Variants in KIAA1328 observed in about 807,000 individuals in gnomAD.
The protein encoded by KIAA1328 is KIAA1328.
A neutral mutation model predicts 68.1 loss-of-function variants in KIAA1328; 52 were observed. That is an observed-to-expected ratio of 0.76 (90% CI 0.61 to 0.96). The LOEUF (loss-of-function observed/expected upper bound fraction) is 0.96. Ranked by LOEUF, KIAA1328 falls within the 40% of genes least tolerant of loss-of-function variation. The pLI is 0.00. For synonymous variants in KIAA1328, 232 were observed against 239.4 expected (o/e 0.97, Z 0.28); for missense variants, 641 against 677.6 (o/e 0.95, Z 0.60).
chr18:37,066,898 T>C lies in KIAA1328; in HGVS notation c.585T>C (p.Ser195=). The part of the protein sequence containing the change: ...AARMQEQQVS[S]RKSTLQCSSV... Reference sequence around the variant, plus strand: ...CTTGTGGTTCTTTCTAGGTATCCAGTAGAAAAAGCACTCTCCAGTGTTCAT... The same window carrying C: ...CTTGTGGTTCTTTCTAGGTATCCAGCAGAAAAAGCACTCTCCAGTGTTCAT... The change falls in exon 7 of 10, where the codon AGT becomes AGC. Residue 195 remains serine, a synonymous_variant. Coordinates refer to ENST00000280020, the MANE Select transcript of KIAA1328 (RefSeq NM_020776.3). 6.3e-7 allele frequency: 1 copy of C among 1,582,760 alleles called. No individual in the cohort carries two copies.
Position 36,880,103 on chromosome 18 carries a change from T to G in KIAA1328, c.333-5454T>G, listed in dbSNP as rs77112437. Among the ~76,000 whole-genome samples, 4,334 of 152,218 alleles carry G rather than the reference T, an allele frequency of 0.028. 495 individuals carry two copies. The East Asian group carries it at 0.35, about 12-fold the overall frequency. On this transcript the variant is annotated intron_variant, in intron 4 of 9. Coordinates refer to ENST00000280020, the MANE Select transcript of KIAA1328 (RefSeq NM_020776.3). ...GAAAAAACTCCTGTAGCTAGCTTGG[T>G]GTCTGCTCAGATGGCCACCCAGTTT... is the stretch of plus-strand genomic sequence containing the variant.
At chr18:36,964,630 A>C (rs773810342) in intron 6 of KIAA1328, among the ~76,000 whole-genome samples, 3 of 152,074 alleles carry the variant, frequency 2.0e-5, no homozygotes, top group Non-Finnish European at 4.4e-5. Context: ...TCCTTTTCTT[A>C]AAGATAAATA....
At chr18:37,108,902 A>G (rs1237900035) in intron 7 of KIAA1328, among the ~76,000 whole-genome samples, 1 of 152,118 alleles carries the variant, frequency 6.6e-6, no homozygotes, top group African/African-American at 2.4e-5. Flanking sequence ...TACATTAGGT[A>G]TTTCTCCTAA....
intron 6 of KIAA1328, among the ~76,000 whole-genome samples, chr18:37,042,502 G>C (rs540590063): frequency 2.0e-5 from 3 of 152,226 alleles, no homozygotes; most frequent in East Asian, 1.9e-4. Context: ...TTGAAGGTTA[G>C]TTTTGCTGGA....
chr18:37,225,392 G>A (rs2060628107), downstream of KIAA1328: 2 of 833,738 alleles, frequency 2.4e-6, no homozygotes, highest in Non-Finnish European at 2.9e-6. Flanking sequence ...GTGAGGCATA[G>A]CTTGAAAGCA....
intron 9 of KIAA1328, among the ~76,000 whole-genome samples, chr18:37,174,580 T>C (rs1173422334): frequency 6.7e-6 from 1 of 148,586 alleles, no homozygotes; most frequent in Non-Finnish European, 1.5e-5. Context: ...TTTATTTTTA[T>C]TTTTATTTTA....
chr18:37,167,071 G>C (rs1051840627), intron 8 of KIAA1328, among the ~76,000 whole-genome samples: 9 of 152,184 alleles, frequency 5.9e-5, no homozygotes, highest in Non-Finnish European at 1.0e-4. Flanking sequence ...AATGGGAAAA[G>C]TTCCCCTATC....
chr18:37,169,169 TA>T (rs1165369860), intron 8 of KIAA1328, among the ~76,000 whole-genome samples: 5 of 149,534 alleles, frequency 3.3e-5, no homozygotes, highest in African/African-American at 1.2e-4. Context: ...TATTTATTTA[TA>T]TTTTTTTTTT....
intron 5 of KIAA1328, among the ~76,000 whole-genome samples, chr18:36,920,723 T>C (rs2049886679): frequency 6.6e-6 from 1 of 152,246 alleles, no homozygotes; most frequent in South Asian, 2.1e-4. Context: ...TACCTGGTTT[T>C]GACCCTGTGT....
At chr18:36,937,113 G>A (rs994587746) in intron 5 of KIAA1328, among the ~76,000 whole-genome samples, 3 of 152,134 alleles carry the variant, frequency 2.0e-5, no homozygotes, top group African/African-American at 7.2e-5. Flanking sequence ...ATGGGGAAAG[G>A]ATCTCCTATT....
At chr18:37,019,150 C>A (rs949833601) in intron 6 of KIAA1328, among the ~76,000 whole-genome samples, 2 of 150,518 alleles carry the variant, frequency 1.3e-5, no homozygotes, top group African/African-American at 4.9e-5. Context: ...TTTACCTTTT[C>A]CTGCCCCCTC....
chr18:37,004,599 A>G (rs1227542056), intron 6 of KIAA1328, among the ~76,000 whole-genome samples: 3 of 152,106 alleles, frequency 2.0e-5, no homozygotes, highest in Non-Finnish European at 4.4e-5. Flanking sequence ...TCACAAAATA[A>G]TGGATGTTGG....
At chr18:37,025,290 C>A (rs912665375) in intron 6 of KIAA1328, among the ~76,000 whole-genome samples, 1 of 152,132 alleles carries the variant, frequency 6.6e-6, no homozygotes, top group Non-Finnish European at 1.5e-5. Context: ...TTTAACCCCC[C>A]ACTGTCAACA....
intron 7 of KIAA1328, among the ~76,000 whole-genome samples, chr18:37,101,588 A>G (rs997101361): frequency 1.3e-5 from 2 of 152,226 alleles, no homozygotes; most frequent in Non-Finnish European, 2.9e-5. Context: ...GTTGTAAAAC[A>G]CTCTGCAGGA....
intron 9 of KIAA1328, among the ~76,000 whole-genome samples, chr18:37,215,125 A>G (rs1009037013): frequency 3.9e-5 from 6 of 152,100 alleles, no homozygotes; most frequent in African/African-American, 1.4e-4. Context: ...CTCTTTTCCT[A>G]ATTGAATACC....
At chr18:37,185,205 T>C (rs531247272) in intron 9 of KIAA1328, among the ~76,000 whole-genome samples, 1 of 151,038 alleles carries the variant, frequency 6.6e-6, no homozygotes, top group South Asian at 2.1e-4. Context: ...TGCTGGTCAG[T>C]AGTTTAGAGA....
intron 9 of KIAA1328, among the ~76,000 whole-genome samples, chr18:37,196,228 C>T (rs969908746): frequency 3.9e-5 from 6 of 152,214 alleles, no homozygotes; most frequent in African/African-American, 1.4e-4. Context: ...AACATGTCAT[C>T]AGTGAACTAG....
chr18:36,857,761 T>C (rs1348628773), intron 4 of KIAA1328, among the ~76,000 whole-genome samples: 1 of 152,234 alleles, frequency 6.6e-6, no homozygotes, highest in Admixed American at 6.5e-5. Context: ...TGCTATGTTT[T>C]GTAATGATAC....
chr18:37,012,356 T>G (rs181596618), intron 6 of KIAA1328, among the ~76,000 whole-genome samples: 67 of 152,346 alleles, frequency 4.4e-4, no homozygotes, highest in Non-Finnish European at 6.6e-4. Flanking sequence ...CACAACTGCT[T>G]CTTCTTACCC....
Sources: allele counts gnomAD v4.1 joint callset (sites outside exome capture counted in the v4.1 genomes callset), GRCh38; gene constraint gnomAD v4.1.1; transcripts MANE v1.5; gene names NCBI Gene and HGNC (gene_info 2026-07-23, HGNC 2026-07-21).